Variants in PDPK1 observed in about 807,000 individuals in gnomAD.
The protein encoded by PDPK1 is 3-phosphoinositide-dependent protein kinase 1.
A neutral mutation model predicts 39.8 loss-of-function variants in PDPK1; 7 were observed. The ratio of observed to expected loss-of-function variants is 0.18; its 90% CI spans 0.10 to 0.33. PDPK1 has a LOEUF of 0.33. PDPK1 is among the 10% of genes least tolerant of loss of function. The pLI, the probability that PDPK1 is intolerant of heterozygous loss-of-function variation, is 1.00. For synonymous variants in PDPK1, 118 were observed against 159.1 expected, an observed-to-expected ratio of 0.74 and a Z score of 1.95; for missense variants, 182 against 384.7, an observed-to-expected ratio of 0.47 and a Z score of 4.41.
chr16:2,587,490 G>T (rs186679924), intron 11 of PDPK1, among the ~76,000 whole-genome samples: 11 of 152,210 alleles, frequency 7.2e-5, no homozygotes, highest in African/African-American at 2.4e-4. Flanking sequence ...TGTGTCCTTT[G>T]ACTATTCTTT....
At chr16:2,573,772 C>T (rs2066677019) in intron 6 of PDPK1, among the ~76,000 whole-genome samples, 1 of 135,184 alleles carries the variant, frequency 7.4e-6, no homozygotes, top group Non-Finnish European at 1.5e-5. Context: ...AATTTTCTTC[C>T]CTTTTTTTTC....
chr16:2,542,761 G>A lies in PDPK1; in HGVS notation c.24+4625G>A, dbSNP rs201367178. Reference sequence around the variant, plus strand: ...GTCAGCTTGTAGCACGCAGGGATTCGAAATATTTAAAGATGAGGTTTGAAG... The same window carrying A: ...GTCAGCTTGTAGCACGCAGGGATTCAAAATATTTAAAGATGAGGTTTGAAG... On this transcript the variant is annotated intron_variant, in intron 1 of 13. Transcript: ENST00000342085. Among the ~76,000 whole-genome samples, 34 of 151,862 alleles carry A rather than the reference G, an allele frequency of 2.2e-4. No homozygotes were observed. In the East Asian group the frequency reaches 3.3e-3, roughly 15 times the overall value.
intron 2 of PDPK1, among the ~76,000 whole-genome samples, chr16:2,558,561 C>T (rs1442329305): frequency 6.7e-6 from 1 of 149,990 alleles, no homozygotes; most frequent in Non-Finnish European, 1.5e-5. Context: ...CCTCTGAAAG[C>T]AAAGAAATGA....
rs2067216072 is a variant in PDPK1 at position 2,601,560 on chromosome 16, TAGTG to T, written c.*3799_*3802del. On this transcript the variant is annotated 3_prime_UTR_variant, in exon 14 of 14. Coordinates refer to ENST00000342085, the MANE Select transcript of PDPK1 (RefSeq NM_002613.5). ...TGTTGAACTGACCTTGCCACATGCT[TAGTG>T]AGTGATTTGTAATTAAGTTTATAGA... The T allele has an allele frequency of 8.5e-6, 2 of 234,532 alleles. No homozygotes were observed. Among genetic ancestry groups the T allele is most frequent in the East Asian group, 1.2e-4 (2 of 16,556 alleles). 14.5% of individuals were successfully genotyped at this position (234,532 alleles called of 1,614,324 possible). A position where few individuals can be genotyped will look rare whatever the true frequency, so the allele number is the denominator to read the frequency against.
chr16:2,595,478 T>G (rs1218009541), intron 11 of PDPK1, among the ~76,000 whole-genome samples: 1 of 152,224 alleles, frequency 6.6e-6, no homozygotes, highest in East Asian at 1.9e-4. Flanking sequence ...CAATGACCTG[T>G]GTCACCTGCC....
At chr16:2,585,131 A>G (rs1044135006) in intron 10 of PDPK1, among the ~76,000 whole-genome samples, 3 of 151,986 alleles carry the variant, frequency 2.0e-5, no homozygotes, top group Non-Finnish European at 2.9e-5. Flanking sequence ...AGCTTCTCTG[A>G]GTGTGGGGGT....
intron 11 of PDPK1, among the ~76,000 whole-genome samples, chr16:2,595,127 A>G (rs2067074774): frequency 1.3e-5 from 2 of 152,338 alleles, no homozygotes; most frequent in African/African-American, 4.8e-5. Flanking sequence ...TGTCTCTAAA[A>G]ACAAAAATCT....
intron 1 of PDPK1, chr16:2,538,597 G>A (rs764790462): frequency 4.7e-6 from 6 of 1,288,472 alleles, no homozygotes; most frequent in Middle Eastern, 2.1e-4. Context: ...AGCACCTGAT[G>A]CTCCTGGGCC....
rs185832247 is a variant in PDPK1 at position 2,589,655 on chromosome 16, C to T, written c.1343+2762C>T. 1.6e-3 allele frequency among the ~76,000 whole-genome samples: 235 copies of T among 150,980 alleles called. 1 individual carries two copies. The highest frequency in any genetic ancestry group is 5.5e-3 in the African/African-American group (225 of 41,022). On this transcript the variant is annotated intron_variant, in intron 11 of 13. Coordinates refer to ENST00000342085, the MANE Select transcript of PDPK1 (RefSeq NM_002613.5). ...AGTGAGCAGAGAGCTTGCCACTGCC[C>T]CCCAGCCTGGGTGACAGAGTGAGAC...
chr16:2,550,342 G>C (rs1304385139), intron 1 of PDPK1, among the ~76,000 whole-genome samples: 1 of 107,178 alleles, frequency 9.3e-6, no homozygotes, highest in Non-Finnish European at 1.9e-5. Flanking sequence ...AAACTCACAC[G>C]TGCCCACCAC....
At position 2,600,186 on chromosome 16, in the gene PDPK1, G is replaced by C. The variant is rs2067189138; in HGVS notation, c.*2419G>C. Reference sequence around the variant, plus strand: ...CGCAGGCGCCTTACATTCTACGGTAGAACGTGGGGTACTGTGTGTGCACAT... The same window carrying C: ...CGCAGGCGCCTTACATTCTACGGTACAACGTGGGGTACTGTGTGTGCACAT... On this transcript the variant is annotated 3_prime_UTR_variant, in exon 14 of 14. Transcript: ENST00000342085. 4.3e-6 allele frequency: 1 copy of C among 233,188 alleles called. No homozygotes were observed. Among genetic ancestry groups the C allele is most frequent in the Non-Finnish European group, 8.5e-6 (1 of 118,048 alleles). 14.4% of individuals were successfully genotyped at this position (233,188 alleles called of 1,614,324 possible).
rs1287452827 is a variant in PDPK1 at position 2,602,470 on chromosome 16, A to G, written c.*4703A>G. ...CATTTCTTCCATATGAAGAAACACC[A>G]AACTATGTACAGAGAACTTTTTACA... On this transcript the variant is annotated 3_prime_UTR_variant, in exon 14 of 14. Transcript: ENST00000342085. 1.3e-5 allele frequency: 3 copies of G among 235,126 alleles called. No individual in the cohort carries two copies. Among genetic ancestry groups the G allele is most frequent in the Middle Eastern group, 1.2e-3 (1 of 808 alleles). 14.6% of individuals were successfully genotyped at this position (235,126 alleles called of 1,614,324 possible). A position where few individuals can be genotyped will look rare whatever the true frequency, so the allele number is the denominator to read the frequency against.
chr16:2,560,898 C>T (rs2066595452), intron 2 of PDPK1, among the ~76,000 whole-genome samples: 1 of 150,282 alleles, frequency 6.7e-6, no homozygotes, highest in Non-Finnish European at 1.5e-5. Context: ...GAGGACAGGG[C>T]AGGAGGCCTG....
chr16:2,538,160 A>G lies in PDPK1; in HGVS notation c.24+24A>G, dbSNP rs138777015. 10,394 of 1,047,770 alleles carry G rather than the reference A, an allele frequency of 9.9e-3. 824 individuals carry two copies. The African/African-American group carries it at 0.16, about 16-fold the overall frequency. The allele number at this position is 1,047,770 out of a possible 1,614,324, so 64.9% of individuals were successfully genotyped here. On this transcript the variant is annotated intron_variant, in intron 1 of 13. Coordinates refer to ENST00000342085, the MANE Select transcript of PDPK1 (RefSeq NM_002613.5). ...TGGTGAGCGCGCGGCGGCGGACTGG[A>G]CGCGCCGGTTTGTTACCCTGCCGGG...
Position 2,538,053 on chromosome 16 carries a change from C to G in PDPK1, c.-60C>G. 2 of 861,732 alleles carry G rather than the reference C, an allele frequency of 2.3e-6. No homozygotes were observed. The highest frequency in any genetic ancestry group is 2.8e-6 in the Non-Finnish European group (2 of 706,918). The allele number at this position is 861,732 out of a possible 1,614,324, so 53.4% of individuals were successfully genotyped here. ...GGGCTCCGCTTCGGGGAGGAGGACG[C>G]TGAGGAGGCGCCGAGCCGCGCAGCG... On this transcript the variant is annotated 5_prime_UTR_variant, in exon 1 of 14. Coordinates refer to ENST00000342085, the MANE Select transcript of PDPK1 (RefSeq NM_002613.5).
chr16:2,538,735 ATG>A, intron 1 of PDPK1: 3 of 1,287,242 alleles, frequency 2.3e-6, no homozygotes, highest in Non-Finnish European at 3.0e-6. Flanking sequence ...GGGAGGCCGA[ATG>A]TGCAGGATCA....
Position 2,597,769 on chromosome 16 carries a change from G to A in PDPK1, c.*2G>A, listed in dbSNP as rs759130714. 1.9e-6 allele frequency: 3 copies of A among 1,599,698 alleles called. No individual in the cohort carries two copies. Among genetic ancestry groups the A allele is most frequent in the Admixed American group, 1.7e-5 (1 of 59,978 alleles). Reference sequence around the variant, plus strand: ...CACCCGGACGCCGCTGTGCAGTGACGTGGCCTGCGGCCGGGCTGCCCTTCG... The same window carrying A: ...CACCCGGACGCCGCTGTGCAGTGACATGGCCTGCGGCCGGGCTGCCCTTCG... On this transcript the variant is annotated 3_prime_UTR_variant, in exon 14 of 14. Coordinates refer to ENST00000342085, the MANE Select transcript of PDPK1 (RefSeq NM_002613.5). This position sits in a 1 kb window ranked among gnomAD's most constrained non-coding sequence, Gnocchi z 6.3.
chr16:2,586,882 C>T lies in PDPK1; in HGVS notation c.1332C>T (p.Gly444=), dbSNP rs771424447. ...EKRLLLEKQA[G]GNPWHQFVEN... ...GGTTGTTGTTGGAGAAGCAGGCTGG[C>T]GGAAACCCTTGGTAAGAACTTATGG... The change falls in exon 11 of 14, where the codon GGC becomes GGT. Residue 444 remains glycine, a synonymous_variant. Transcript: ENST00000342085. The T allele has an allele frequency of 5.8e-5, 94 of 1,613,912 alleles. No individual in the cohort carries two copies. The highest frequency in any genetic ancestry group is 6.9e-5 in the Non-Finnish European group (81 of 1,179,888).
chr16:2,596,005 C>T (rs2067094222), intron 12 of PDPK1, among the ~76,000 whole-genome samples, 155 bp downstream of exon 12: 1 of 152,168 alleles, frequency 6.6e-6, no homozygotes, highest in African/African-American at 2.4e-5. Flanking sequence ...GGCTTAAGTC[C>T]CTTGAGAGAA....
Sources: gnomAD v4.1 joint callset for allele counts (sites outside exome capture counted in the v4.1 genomes callset) on GRCh38, gnomAD v4.1.1 for gene constraint, Gnocchi (gnomAD v3.1) non-coding constraint, MANE v1.5 for transcripts, NCBI Gene and HGNC (gene_info 2026-07-23, HGNC 2026-07-21) for gene names.